PATJ: variants seen among roughly 807,000 people sequenced by gnomAD.
PATJ encodes PATJ crumbs cell polarity complex component.
PATJ carries 190 observed loss-of-function variants against 224.9 expected under a neutral mutation model. That is an observed-to-expected ratio of 0.84 (90% CI 0.75 to 0.95). PATJ has a LOEUF of 0.95. PATJ is among the 40% of genes least tolerant of loss of function. PATJ has a pLI of 0.00. For missense variants in PATJ, 2,121 were observed against 2,270.3 expected (o/e 0.93, Z 1.34); for synonymous variants, 769 against 820.3 (o/e 0.94, Z 1.07).
At chr1:62,121,352 A>AT in intron 38 of PATJ, 57 bp downstream of exon 38, 1 of 1,127,760 alleles carries the variant, frequency 8.9e-7, no homozygotes, top group Non-Finnish European at 1.3e-6. Context: ...TAAAAAAAAA[A>AT]AATGTGTTTT....
chr1:61,845,813 T>C (rs1661852009), intron 17 of PATJ, among the ~76,000 whole-genome samples: 1 of 152,200 alleles, frequency 6.6e-6, no homozygotes, highest in African/African-American at 2.4e-5. Flanking sequence ...ATGGCTCCAA[T>C]CTTACAGTGT....
chr1:61,780,096 G>A (rs985341380), intron 7 of PATJ, among the ~76,000 whole-genome samples: 3 of 152,126 alleles, frequency 2.0e-5, no homozygotes, highest in Admixed American at 6.6e-5. Context: ...ATGAGGTTTG[G>A]GGGGGACAAA....
chr1:61,756,288 T>C (rs1307908052), intron 1 of PATJ, among the ~76,000 whole-genome samples: 1 of 152,196 alleles, frequency 6.6e-6, no homozygotes, highest in African/African-American at 2.4e-5. Context: ...TATTAAAAGC[T>C]AGTTATTGTT....
At chr1:61,831,442 A>T (rs1357297223) in intron 16 of PATJ, among the ~76,000 whole-genome samples, 1 of 152,186 alleles carries the variant, frequency 6.6e-6, no homozygotes, top group Admixed American at 6.5e-5. Context: ...CATCTGACAA[A>T]GATCTAATAT....
chr1:61,948,621 G>A (rs571997077), intron 27 of PATJ, among the ~76,000 whole-genome samples: 40 of 152,292 alleles, frequency 2.6e-4, no homozygotes, highest in Non-Finnish European at 5.0e-4. Context: ...TGGTGGGACT[G>A]TAAACTAGTT....
chr1:61,844,959 CCTTT>C (rs1661696448), intron 17 of PATJ, among the ~76,000 whole-genome samples: 1 of 152,098 alleles, frequency 6.6e-6, no homozygotes, highest in Non-Finnish European at 1.5e-5. Context: ...AATTAAACCT[CCTTT>C]CTTTTACAAA....
chr1:61,755,183 C>A (rs1368382150), intron 1 of PATJ, among the ~76,000 whole-genome samples: 1 of 150,410 alleles, frequency 6.6e-6, no homozygotes, highest in Non-Finnish European at 1.5e-5. Context: ...GTGGCGGGTG[C>A]CTGTAGTCCC....
chr1:62,073,632 TTAAATAAATAAA>T (rs539478618), intron 31 of PATJ, among the ~76,000 whole-genome samples: 5 of 151,694 alleles, frequency 3.3e-5, no homozygotes, highest in South Asian at 2.1e-4. Flanking sequence ...GACGCTGTCT[TTAAATAAATAAA>T]TAAATAAATA....
chr1:61,982,759 A>G lies in PATJ; in HGVS notation c.3671-7409A>G, dbSNP rs190092154. 9.5e-4 allele frequency among the ~76,000 whole-genome samples: 144 copies of G among 152,150 alleles called. 3 individuals carry two copies. The highest frequency in any genetic ancestry group is 3.2e-3 in the African/African-American group (132 of 41,432). ...TTAGTTGCCAAAAGCTAGTACTGAC[A>G]TAATTTATGTGTGTGTGGTGTGTAT... On this transcript the variant is annotated intron_variant, in intron 27 of 43. Transcript: ENST00000642238.
At chr1:61,852,236 AGAG>A (rs1662944520) in intron 17 of PATJ, among the ~76,000 whole-genome samples, 1 of 152,162 alleles carries the variant, frequency 6.6e-6, no homozygotes, top group South Asian at 2.1e-4. Context: ...TTTTGAATAA[AGAG>A]GAAAAAAATT....
chr1:62,040,317 C>A (rs897840594), intron 30 of PATJ, among the ~76,000 whole-genome samples: 1 of 151,930 alleles, frequency 6.6e-6, no homozygotes, highest in African/African-American at 2.4e-5. Context: ...CCATGTTGGC[C>A]AGGCTGGTCT....
intron 27 of PATJ, among the ~76,000 whole-genome samples, chr1:61,954,669 C>G (rs180880989): frequency 1.2e-3 from 188 of 151,792 alleles, no homozygotes; most frequent in Admixed American, 3.6e-3. Context: ...TCCTAAGTTT[C>G]TATCATGTTT....
At chr1:61,846,321 G>T (rs1300466853) in intron 17 of PATJ, 1 of 152,086 alleles carries the variant, frequency 6.6e-6, no homozygotes. Context: ...TAGTATTTGT[G>T]CTTAGGTTAA....
At chr1:61,994,724 T>A (rs892266780) in intron 28 of PATJ, among the ~76,000 whole-genome samples, 6 of 152,072 alleles carry the variant, frequency 3.9e-5, no homozygotes, top group Non-Finnish European at 7.4e-5. Flanking sequence ...CTGGCTAATT[T>A]TTTGTATTTA....
chr1:61,867,568 G>T, intron 20 of PATJ, among the ~76,000 whole-genome samples: 1 of 92,832 alleles, frequency 1.1e-5, no homozygotes. Context: ...TTTAAAATCT[G>T]TAAAATTTTT....
intron 23 of PATJ, 64 bp from the exon 24 acceptor site, chr1:61,901,218 A>T (rs1462613581): frequency 1.0e-6 from 1 of 993,658 alleles, no homozygotes; most frequent in East Asian, 2.9e-5. Flanking sequence ...ATGCAAATGG[A>T]ATACTTACAG....
At chr1:62,153,102 CTT>C (rs1668796287) in intron 42 of PATJ, among the ~76,000 whole-genome samples, 3 of 152,126 alleles carry the variant, frequency 2.0e-5, no homozygotes, top group African/African-American at 7.2e-5. Context: ...AGCATCATGA[CTT>C]TATCTTTAAT....
At position 61,952,557 on chromosome 1, in the gene PATJ, T is replaced by C. The variant is rs553927793; in HGVS notation, c.3670+24728T>C. 1.0e-4 allele frequency: 68 copies of C among 656,306 alleles called. No homozygotes were observed. In the East Asian group the frequency reaches 1.9e-3, roughly 18 times the overall value. The allele number at this position is 656,306 out of a possible 1,614,324, so 40.7% of individuals were successfully genotyped here. A position where few individuals can be genotyped will look rare whatever the true frequency, so the allele number is the denominator to read the frequency against. Reference sequence around the variant, plus strand: ...TTAAGTAAGAGAGCGAGGGCACATATGCATGTGCAAGGTGATTGTACATTA... The same window carrying C: ...TTAAGTAAGAGAGCGAGGGCACATACGCATGTGCAAGGTGATTGTACATTA... On this transcript the variant is annotated intron_variant, in intron 27 of 43. Coordinates refer to ENST00000642238, the MANE Select transcript of PATJ (RefSeq NM_001350145.3).
At position 62,086,166 on chromosome 1, in the gene PATJ, G is replaced by A. The variant is rs980448049; in HGVS notation, c.4377+1518G>A. Among the ~76,000 whole-genome samples the A allele has an allele frequency of 2.0e-5, 3 of 151,498 alleles. No homozygotes were observed. Among genetic ancestry groups the A allele is most frequent in the African/African-American group, 7.3e-5 (3 of 40,954 alleles). On this transcript the variant is annotated intron_variant, in intron 33 of 43. Transcript: ENST00000642238. This position sits in a 1 kb window ranked among gnomAD's most constrained non-coding sequence, Gnocchi z 4.0. Reference sequence around the variant, plus strand: ...ACCTTTTGTTTATCACTGCTCAGTAGCGCCATTAAAATGAAAACTTTTCCT... The same window carrying A: ...ACCTTTTGTTTATCACTGCTCAGTAACGCCATTAAAATGAAAACTTTTCCT...
Sources: allele counts gnomAD v4.1 joint callset (sites outside exome capture counted in the v4.1 genomes callset), GRCh38; gene constraint gnomAD v4.1.1; non-coding constraint Gnocchi (gnomAD v3.1); transcripts MANE v1.5; gene names NCBI Gene and HGNC (gene_info 2026-07-23, HGNC 2026-07-21).